NDUFAF1: variants seen among roughly 807,000 people sequenced by gnomAD.
The protein encoded by NDUFAF1 is complex I intermediate-associated protein 30, mitochondrial.
NDUFAF1 carries 18 observed loss-of-function variants against 28.7 expected under a neutral mutation model. The observed-to-expected ratio is 0.63, with a 90% confidence interval of 0.43 to 0.93. NDUFAF1 has a LOEUF of 0.93. Among genes scored for constraint, NDUFAF1 ranks in the 40% least tolerant of loss-of-function variants. The probability of loss-of-function intolerance (pLI) is 0.00; values close to 1 mark genes in which losing one functional copy is unlikely to be tolerated. For synonymous variants in NDUFAF1, 113 were observed against 139.7 expected, an observed-to-expected ratio of 0.81 and a Z score of 1.35; for missense variants, 404 against 398.3, an observed-to-expected ratio of 1.01 and a Z score of -0.12.
chr15:41,402,860 T>C (rs547560069), upstream of NDUFAF1, among the ~76,000 whole-genome samples: 59 of 151,006 alleles, frequency 3.9e-4, no homozygotes, highest in Non-Finnish European at 6.6e-4. Flanking sequence ...GCCTCCCGAG[T>C]AGCTGGGATT....
rs571701028 is a variant in NDUFAF1, at chr15:41,396,603, T to G, written c.457A>C (p.Lys153Gln). The G allele has an allele frequency of 6.2e-7, 1 of 1,614,096 alleles. No homozygotes were observed. The highest frequency in any genetic ancestry group is 2.2e-5 in the East Asian group (1 of 44,870). Reference sequence around the variant, plus strand: ...GCACTTTGGTTATTCTTGCCCATTTTCAAAAACACTTCACTTCTGCCTCCA... The same window carrying G: ...GCACTTTGGTTATTCTTGCCCATTTGCAAAAACACTTCACTTCTGCCTCCA... ...TIGGRSEVFL[K>Q]MGKNNQSALL... Residue 153 changes from lysine to glutamine, a missense_variant, in exon 2 of 5, where the codon AAA becomes CAA. By Grantham distance (53) the Lys-to-Gln change is moderately conservative. Coordinates refer to ENST00000260361, the MANE Select transcript of NDUFAF1 (RefSeq NM_016013.4).
intron 3 of NDUFAF1, among the ~76,000 whole-genome samples, chr15:41,391,213 C>T (rs2050311972): frequency 6.6e-6 from 1 of 151,478 alleles, no homozygotes; most frequent in Non-Finnish European, 1.5e-5. Flanking sequence ...TGTATTACTA[C>T]ATATATATGT....
rs1186544556 is a variant in NDUFAF1, at chr15:41,396,818, C to T, written c.242G>A (p.Ser81Asn). 1.2e-6 allele frequency: 2 copies of T among 1,614,058 alleles called. No homozygotes were observed. Among genetic ancestry groups the T allele is most frequent in the Non-Finnish European group, 1.7e-6 (2 of 1,180,048 alleles). ...ITSSEEKPDV[S>N]FDKAIRDEAI... Reference sequence around the variant, plus strand: ...TTCATCTCTAATTGCTTTATCGAAACTAACATCAGGCTTCTCCTCAGAAGA... The same window carrying T: ...TTCATCTCTAATTGCTTTATCGAAATTAACATCAGGCTTCTCCTCAGAAGA... The change falls in exon 2 of 5, where the codon AGT becomes AAT. Residue 81 changes from serine to asparagine, a missense_variant. Physicochemically the swap from Ser to Asn is conservative, Grantham distance 46. Coordinates refer to ENST00000260361, the MANE Select transcript of NDUFAF1 (RefSeq NM_016013.4).
At position 41,395,010 on chromosome 15, in the gene NDUFAF1, G is replaced by T. The variant is rs772073833; in HGVS notation, c.608C>A (p.Ser203Tyr). ...ACGGAGATACAGAGTATTGAACTGGGACCAATCGTAAGACATCTTCCTCTC... is the reference window on the plus strand; with the variant it reads ...ACGGAGATACAGAGTATTGAACTGGTACCAATCGTAAGACATCTTCCTCTC... ...AFERKMSYDW[S>Y]QFNTLYLRVR... Residue 203 changes from serine to tyrosine, a missense_variant, in exon 3 of 5, where the codon TCC becomes TAC. By Grantham distance (144) the Ser-to-Tyr change is moderately radical. Transcript: ENST00000260361. 21 of 1,614,052 alleles carry T rather than the reference G, an allele frequency of 1.3e-5. No homozygotes were observed. In the South Asian group the frequency reaches 2.1e-4, roughly 16 times the overall value.
At position 41,397,080 on chromosome 15, in the gene NDUFAF1, T is replaced by G; in HGVS notation, c.-21A>C. ...GCCATGGTACAAAAAAATCAAAATG[T>G]AAGTTTCTTCCTGGGCTAGCAAGGG... is the stretch of plus-strand genomic sequence containing the variant. On this transcript the variant is annotated 5_prime_UTR_variant, in exon 2 of 5. Transcript: ENST00000260361. The G allele has an allele frequency of 1.2e-6, 2 of 1,610,980 alleles. No individual in the cohort carries two copies. Among genetic ancestry groups the G allele is most frequent in the South Asian group, 1.1e-5 (1 of 90,914 alleles).
intron 3 of NDUFAF1, among the ~76,000 whole-genome samples, chr15:41,391,542 G>C (rs1025831637): frequency 1.3e-5 from 2 of 151,174 alleles, no homozygotes; most frequent in Non-Finnish European, 2.9e-5. Flanking sequence ...GGAAGGCAAA[G>C]GTTGCCGTAA....
chr15:41,394,555 A>C (rs1159692476), intron 3 of NDUFAF1, among the ~76,000 whole-genome samples: 643 of 89,896 alleles, frequency 7.2e-3, no homozygotes, highest in Admixed American at 0.011. Context: ...CTACCCACCC[A>C]CCCCCACCTT....
At position 41,387,382 on chromosome 15, in the gene NDUFAF1, T is replaced by C. The variant is rs1375960973; in HGVS notation, c.*62A>G. ...ATGCCATTAAAGAAATATTTTATTT[T>C]GTCTATATCATTGTAGATGCTAGTA... On this transcript the variant is annotated 3_prime_UTR_variant, in exon 5 of 5. Coordinates refer to ENST00000260361, the MANE Select transcript of NDUFAF1 (RefSeq NM_016013.4). 6.7e-7 allele frequency: 1 copy of C among 1,484,910 alleles called. No individual in the cohort carries two copies. Among genetic ancestry groups the C allele is most frequent in the African/African-American group, 1.4e-5 (1 of 72,178 alleles). 92.0% of individuals were successfully genotyped at this position (1,484,910 alleles called of 1,614,324 possible). A position where few individuals can be genotyped will look rare whatever the true frequency, so the allele number is the denominator to read the frequency against.
intron 3 of NDUFAF1, among the ~76,000 whole-genome samples, chr15:41,391,820 G>T (rs1026305338): frequency 6.6e-6 from 1 of 152,062 alleles, no homozygotes; most frequent in Non-Finnish European, 1.5e-5. Context: ...CTTTTGAGCC[G>T]AGAGGTGAAT....
intron 3 of NDUFAF1, chr15:41,394,127 C>T (rs147833612): frequency 3.1e-4 from 123 of 400,162 alleles, no homozygotes; most frequent in African/African-American, 2.3e-3. Context: ...CTCCTGGGTT[C>T]AAGCAATTAT....
chr15:41,393,785 AT>A (rs1286012164), intron 3 of NDUFAF1, among the ~76,000 whole-genome samples: 3 of 146,708 alleles, frequency 2.0e-5, no homozygotes, highest in African/African-American at 7.6e-5. Flanking sequence ...GTTGGCCAGG[AT>A]GGTCTCGATC....
At position 41,396,679 on chromosome 15, in the gene NDUFAF1, G is replaced by C; in HGVS notation, c.381C>G (p.Phe127Leu). The C allele has an allele frequency of 6.2e-7, 1 of 1,614,036 alleles. No individual in the cohort carries two copies. The highest frequency in any genetic ancestry group is 8.5e-7 in the Non-Finnish European group (1 of 1,180,020). Residue 127 changes from phenylalanine to leucine, a missense_variant, in exon 2 of 5, where the codon TTC (phenylalanine) becomes TTG (leucine). Phe to Leu is a conservative substitution (Grantham distance 22). Coordinates refer to ENST00000260361, the MANE Select transcript of NDUFAF1 (RefSeq NM_016013.4). ...ACTTATCCAAATCTTCTTTCCCCCG[G>C]AATTGCCAGACAACCTTGGCTTGTT... ...LLEQAKVVWQFRGKEDLDKWT... is the reference protein window; with the variant it reads ...LLEQAKVVWQLRGKEDLDKWT...
chr15:41,391,259 A>G (rs950178121), intron 3 of NDUFAF1, among the ~76,000 whole-genome samples: 1 of 151,978 alleles, frequency 6.6e-6, no homozygotes, highest in African/African-American at 2.4e-5. Flanking sequence ...AGGCACTAGG[A>G]CAAAATTCTA....
At chr15:41,387,950 G>C (rs536436889) in intron 4 of NDUFAF1, among the ~76,000 whole-genome samples, 89 of 152,164 alleles carry the variant, frequency 5.8e-4, no homozygotes, top group African/African-American at 2.0e-3. Flanking sequence ...TCTCTACTAA[G>C]AATACAAAGA....
Position 41,394,946 on chromosome 15 carries a change from C to CT in NDUFAF1, c.671dup (p.Glu225GlyfsTer14), listed in dbSNP as rs776892895. 2 of 1,614,154 alleles carry CT rather than the reference C, an allele frequency of 1.2e-6. No homozygotes were observed. Among genetic ancestry groups the CT allele is most frequent in the South Asian group, 2.2e-5 (2 of 91,086 alleles). On this transcript the variant is annotated frameshift_variant, in exon 3 of 5. Coordinates refer to ENST00000260361, the MANE Select transcript of NDUFAF1 (RefSeq NM_016013.4). LOFTEE classifies it high-confidence loss of function. ...TCCTCTGGAAGAAATCTGTGTCCTC[C>CT]TTGATATTCACCATCCAAGGCCGAC...
chr15:41,387,976 G>A (rs757890732), intron 4 of NDUFAF1, among the ~76,000 whole-genome samples: 24 of 152,222 alleles, frequency 1.6e-4, no homozygotes, highest in Admixed American at 1.1e-3. Flanking sequence ...CAAGTGTGGT[G>A]GCAGGCACCT....
intron 3 of NDUFAF1, among the ~76,000 whole-genome samples, chr15:41,393,295 T>TA (rs1165991964): frequency 1.4e-5 from 2 of 141,290 alleles, no homozygotes; most frequent in South Asian, 4.7e-4. Flanking sequence ...CGGCTAATTT[T>TA]TTTTTTTTTT....
chr15:41,397,823 G>T (rs1417196777), intron 1 of NDUFAF1, among the ~76,000 whole-genome samples: 1 of 142,798 alleles, frequency 7.0e-6, no homozygotes, highest in East Asian at 2.0e-4. Context: ...AAAAAAAATT[G>T]AGACCATCCT....
intron 2 of NDUFAF1, among the ~76,000 whole-genome samples, chr15:41,395,341 G>A (rs2050370418): frequency 6.6e-6 from 1 of 151,914 alleles, no homozygotes; most frequent in Non-Finnish European, 1.5e-5. Flanking sequence ...GTCGTATGGA[G>A]CAATGACTTT....
Sources: gnomAD v4.1 joint callset for allele counts (sites outside exome capture counted in the v4.1 genomes callset) on GRCh38, gnomAD v4.1.1 for gene constraint, MANE v1.5 for transcripts, NCBI Gene and HGNC (gene_info 2026-07-23, HGNC 2026-07-21) for gene names.